GALNT18: variants seen among roughly 807,000 people sequenced by gnomAD.
GALNT18 encodes the protein GalNAc-transferase 18.
Under a neutral mutation model 69.5 loss-of-function variants are expected in GALNT18, and 44 were observed. The observed-to-expected ratio is 0.63, with a 90% CI of 0.50 to 0.81. The LOEUF (loss-of-function observed/expected upper bound fraction) is 0.81. GALNT18 is among the 40% of genes least tolerant of loss of function. The probability of loss-of-function intolerance (pLI) is 0.00; values close to 1 mark genes in which losing one functional copy is unlikely to be tolerated. For missense variants in GALNT18, 715 were observed against 810.0 expected (o/e 0.88, Z 1.42); for synonymous variants, 364 against 318.2 (o/e 1.14, Z -1.53).
rs150178958 is a variant in GALNT18, at chr11:11,271,148, G to A, written c.1820C>T (p.Ser607Phe). 51 of 1,610,886 alleles carry A rather than the reference G, an allele frequency of 3.2e-5. No individual in the cohort carries two copies. The highest frequency in any genetic ancestry group is 4.2e-5 in the Non-Finnish European group (49 of 1,177,526). Reference protein sequence around the residue: ...SITNVLRSLAS With the variant: ...SITNVLRSLAF ...GCCGGAAGTGGCCCCGGTGGGTCAG[G>A]ACGCGAGGCTCCTCAGGACGTTGGT... The change falls in exon 11 of 11, where the codon TCC becomes TTC. Residue 607 changes from serine to phenylalanine, a missense_variant. Physicochemically the swap from Ser to Phe is radical, Grantham distance 155. Transcript: ENST00000227756.
At chr11:11,374,874 A>G (rs1853703033) in intron 5 of GALNT18, among the ~76,000 whole-genome samples, 1 of 152,250 alleles carries the variant, frequency 6.6e-6, no homozygotes, top group African/African-American at 2.4e-5. Flanking sequence ...CAGACATGAA[A>G]GCTTGCCTTT....
chr11:11,373,719 G>C (rs893544706), intron 5 of GALNT18, among the ~76,000 whole-genome samples: 1 of 152,256 alleles, frequency 6.6e-6, no homozygotes, highest in Admixed American at 6.5e-5. Context: ...AAGACACCCA[G>C]TGCAGCACCT....
At chr11:11,328,572 A>G (rs1402234792) in intron 8 of GALNT18, among the ~76,000 whole-genome samples, 1 of 152,120 alleles carries the variant, frequency 6.6e-6, no homozygotes, top group African/African-American at 2.4e-5. Context: ...AACAGAGTTG[A>G]ATTCTTTTCT....
intron 1 of GALNT18, among the ~76,000 whole-genome samples, chr11:11,534,746 C>A (rs1319003518): frequency 6.6e-6 from 1 of 152,238 alleles, no homozygotes; most frequent in Non-Finnish European, 1.5e-5. Flanking sequence ...TTGCTGGATT[C>A]TTGATATATT....
chr11:11,501,283 T>C lies in GALNT18; in HGVS notation c.236-52347A>G, dbSNP rs77480926. ...AAAAAAAAATTCAGTGTTATTACTT[T>C]TGAAACTCTGTAACTATTTAACCAA... On this transcript the variant is annotated intron_variant, in intron 1 of 10. Coordinates refer to ENST00000227756, the MANE Select transcript of GALNT18 (RefSeq NM_198516.3). Among the ~76,000 whole-genome samples, 357 of 152,354 alleles carry C rather than the reference T, an allele frequency of 2.3e-3. 3 individuals carry two copies. The highest frequency in any genetic ancestry group is 8.4e-3 in the African/African-American group (348 of 41,588).
rs1214976113 is a variant in GALNT18, at chr11:11,439,549, A to G, written c.429-6762T>C. Among the ~76,000 whole-genome samples, 3 of 152,196 alleles carry G rather than the reference A, an allele frequency of 2.0e-5. No homozygotes were observed. The highest frequency in any genetic ancestry group is 4.4e-5 in the Non-Finnish European group (3 of 68,036). The stretch of plus-strand genomic sequence containing the variant: ...TTCATGCCATGTACATGCTATTGCA[A>G]CATGTTTTTATATGTGATCATTTAA... On this transcript the variant is annotated intron_variant, in intron 2 of 10. Coordinates refer to ENST00000227756, the MANE Select transcript of GALNT18 (RefSeq NM_198516.3). This position sits in a 1 kb window ranked among gnomAD's most constrained non-coding sequence, Gnocchi z 4.4.
chr11:11,321,952 TGG>T (rs1849847691), intron 9 of GALNT18, among the ~76,000 whole-genome samples: 1 of 152,176 alleles, frequency 6.6e-6, no homozygotes, highest in Non-Finnish European at 1.5e-5. Flanking sequence ...GATGGCACCA[TGG>T]GGTCAAGGAG....
intron 3 of GALNT18, among the ~76,000 whole-genome samples, chr11:11,419,471 C>T (rs1354438986): frequency 6.6e-6 from 1 of 151,690 alleles, no homozygotes; most frequent in Non-Finnish European, 1.5e-5. Context: ...GTAGCGCACG[C>T]CTGTAATCCC....
intron 9 of GALNT18, among the ~76,000 whole-genome samples, chr11:11,298,578 C>T (rs1367488650): frequency 6.6e-6 from 1 of 152,144 alleles, no homozygotes; most frequent in African/African-American, 2.4e-5. Flanking sequence ...GGAGCTTGGT[C>T]CCGAGGGCCA....
intron 10 of GALNT18, among the ~76,000 whole-genome samples, chr11:11,273,929 C>A (rs7949054): frequency 6.6e-6 from 1 of 151,930 alleles, no homozygotes; most frequent in Non-Finnish European, 1.5e-5. Context: ...GTCTGCAGCT[C>A]TAAGAGAGAT....
chr11:11,277,467 A>ATT (rs1364755529), intron 10 of GALNT18, among the ~76,000 whole-genome samples: 1 of 151,820 alleles, frequency 6.6e-6, no homozygotes, highest in African/African-American at 2.4e-5. Flanking sequence ...GGATTCATTG[A>ATT]TTGTTTGAAG....
chr11:11,572,319 G>A (rs1203517572), intron 1 of GALNT18, among the ~76,000 whole-genome samples: 1 of 152,214 alleles, frequency 6.6e-6, no homozygotes. Flanking sequence ...GATCAAGGGA[G>A]GTGGTATGAG....
At chr11:11,485,508 C>T (rs1014008967) in intron 1 of GALNT18, among the ~76,000 whole-genome samples, 7 of 152,196 alleles carry the variant, frequency 4.6e-5, no homozygotes, top group African/African-American at 1.7e-4. Context: ...CCTCCAAGAA[C>T]TTTTTGCCAG....
In GALNT18 at chr11:11,432,870, G is replaced by A; in HGVS notation, c.429-83C>T. The A allele has an allele frequency of 6.9e-7, 1 of 1,445,752 alleles. No homozygotes were observed. Among genetic ancestry groups the A allele is most frequent in the Non-Finnish European group, 9.4e-7 (1 of 1,058,668 alleles). The allele number at this position is 1,445,752 out of a possible 1,614,324, so 89.6% of individuals were successfully genotyped here. On this transcript the variant is annotated intron_variant, in intron 2 of 10. Coordinates refer to ENST00000227756, the MANE Select transcript of GALNT18 (RefSeq NM_198516.3). This position sits in a 1 kb window ranked among gnomAD's most constrained non-coding sequence, Gnocchi z 5.8. ...TGACCCAGCCCATGTCCTGGCTCCA[G>A]CTTTGCTGGAGGGCTCGGGAGTCCA...
intron 3 of GALNT18, 151 bp from the exon 4 acceptor site, chr11:11,379,415 G>T (rs1284265368): frequency 3.0e-6 from 2 of 676,050 alleles, no homozygotes; most frequent in Non-Finnish European, 5.0e-6. Context: ...CCCCACAGTG[G>T]CCAGCACAGG....
intron 9 of GALNT18, among the ~76,000 whole-genome samples, chr11:11,298,227 G>A (rs369848715): frequency 2.6e-5 from 4 of 152,374 alleles, no homozygotes; most frequent in African/African-American, 9.6e-5. Flanking sequence ...CTGGCTGATG[G>A]AAACTCTGCC....
intron 1 of GALNT18, among the ~76,000 whole-genome samples, chr11:11,451,732 G>C (rs1053084188): frequency 5.3e-5 from 8 of 152,122 alleles, no homozygotes; most frequent in Non-Finnish European, 1.2e-4. Flanking sequence ...TCTTACAAGG[G>C]ACTCAATCGA....
At chr11:11,453,449 C>T (rs1855849509) in intron 1 of GALNT18, among the ~76,000 whole-genome samples, 1 of 152,172 alleles carries the variant, frequency 6.6e-6, no homozygotes, top group South Asian at 2.1e-4. Flanking sequence ...CTGGTCAGTT[C>T]CCTCACTTCT....
At position 11,542,894 on chromosome 11, in the gene GALNT18, T is replaced by C. The variant is rs1857959568; in HGVS notation, c.235+78465A>G. The stretch of plus-strand genomic sequence containing the variant: ...TCAGCCACAGCCTTTGGGCAAAGTG[T>C]TTAATGGTCAGTAACTAAGTTTCAG... On this transcript the variant is annotated intron_variant, in intron 1 of 10. Transcript: ENST00000227756. The surrounding 1 kb of genome is among the most constrained non-coding windows in gnomAD (Gnocchi z 4.3). Among the ~76,000 whole-genome samples the C allele has an allele frequency of 6.6e-6, 1 of 152,240 alleles. No individual in the cohort carries two copies. The highest frequency in any genetic ancestry group is 2.4e-5 in the African/African-American group (1 of 41,458).
Sources: gnomAD v4.1 joint callset for allele counts (sites outside exome capture counted in the v4.1 genomes callset) on GRCh38, gnomAD v4.1.1 for gene constraint, Gnocchi (gnomAD v3.1) non-coding constraint, MANE v1.5 for transcripts, NCBI Gene and HGNC (gene_info 2026-07-23, HGNC 2026-07-21) for gene names.